The following CCDC137 variants were observed in gnomAD, a reference collection of about 807,000 sequenced individuals.
CCDC137 encodes coiled-coil domain containing 137.
In CCDC137, 24 loss-of-function variants were observed where a neutral mutation model predicts 30.4. The observed-to-expected ratio is 0.79, with a 90% CI of 0.57 to 1.11. The LOEUF (loss-of-function observed/expected upper bound fraction) is 1.11. Ranked by LOEUF, CCDC137 falls within the 50% of genes least tolerant of loss-of-function variation. The pLI is 0.00. For synonymous variants in CCDC137, 182 were observed against 155.7 expected (o/e 1.17, Z -1.26); for missense variants, 417 against 380.4 (o/e 1.10, Z -0.80).
chr17:81,669,546 G>A (rs1225636176), intron 2 of CCDC137, among the ~76,000 whole-genome samples: 1 of 152,172 alleles, frequency 6.6e-6, no homozygotes, highest in Non-Finnish European at 1.5e-5. Context: ...CGTTCTCAGT[G>A]GATGTCATAG....
At chr17:81,667,112 G>C (rs915223668) in intron 1 of CCDC137, 165 of 450,208 alleles carry the variant, frequency 3.7e-4, no homozygotes, top group Non-Finnish European at 5.4e-4. Flanking sequence ...CCTTTCCCGC[G>C]TCCCAGTGTC....
In CCDC137 at chr17:81,672,747, C is replaced by T; in HGVS notation, c.*43C>T. ...CCTGGCCACGCTCTGGGGCAACTGG[C>T]ACCAGGAGCTGCTACACCTGGGTAG... On this transcript the variant is annotated 3_prime_UTR_variant, in exon 6 of 6. Coordinates refer to ENST00000329214, the MANE Select transcript of CCDC137 (RefSeq NM_199287.3). The T allele has an allele frequency of 6.7e-7, 1 of 1,494,198 alleles. No homozygotes were observed. Among genetic ancestry groups the T allele is most frequent in the Non-Finnish European group, 9.0e-7 (1 of 1,111,842 alleles). The allele number at this position is 1,494,198 out of a possible 1,614,324, so 92.6% of individuals were successfully genotyped here.
chr17:81,669,168 G>A (rs555639487), intron 2 of CCDC137, among the ~76,000 whole-genome samples: 1 of 151,730 alleles, frequency 6.6e-6, no homozygotes, highest in East Asian at 1.9e-4. Context: ...GGGATTACAG[G>A]TGTGAGCCAC....
Position 81,666,793 on chromosome 17 carries a change from G to T in CCDC137, c.27G>T (p.Ala9=), listed in dbSNP as rs756579645. 1.4e-6 allele frequency: 2 copies of T among 1,465,012 alleles called. No individual in the cohort carries two copies. Among genetic ancestry groups the T allele is most frequent in the Non-Finnish European group, 1.8e-6 (2 of 1,113,658 alleles). 90.8% of individuals were successfully genotyped at this position (1,465,012 alleles called of 1,614,324 possible). The change falls in exon 1 of 6, where the codon GCG becomes GCT. Residue 9 remains alanine, a synonymous_variant. Coordinates refer to ENST00000329214, the MANE Select transcript of CCDC137 (RefSeq NM_199287.3). MAGAGRGA[A]VSRVQAGPGS... ...TGGCGGGAGCTGGTCGCGGAGCAGC[G>T]GTGTCCAGGGTGCAGGCGGGTCCTG...
At chr17:81,667,707 AC>A in intron 1 of CCDC137, 21 bp from the exon 2 acceptor site, 3 of 1,612,894 alleles carry the variant, frequency 1.9e-6, no homozygotes, top group Non-Finnish European at 1.7e-6. Context: ...GACGGGTCTC[AC>A]CCCCGTGTTC....
chr17:81,671,984 C>A, intron 4 of CCDC137, 92 bp from the exon 5 acceptor site: 1 of 1,508,334 alleles, frequency 6.6e-7, no homozygotes, highest in Non-Finnish European at 9.2e-7. Context: ...CTGTCCCAGC[C>A]CTATGGGAGG....
intron 2 of CCDC137, among the ~76,000 whole-genome samples, chr17:81,669,150 A>G (rs971006072): frequency 6.6e-6 from 1 of 151,754 alleles, no homozygotes; most frequent in African/African-American, 2.4e-5. Flanking sequence ...TCAGCCTCCC[A>G]AAGTGCTGGG....
intron 4 of CCDC137, 38 bp downstream of exon 4, chr17:81,671,864 G>A (rs746745689): frequency 1.3e-5 from 21 of 1,608,146 alleles, no homozygotes; most frequent in African/African-American, 2.7e-5. Context: ...GCAGTGGTCC[G>A]GGTGGGGCCT....
chr17:81,667,518 G>A (rs995406350), intron 1 of CCDC137, among the ~76,000 whole-genome samples: 2 of 151,950 alleles, frequency 1.3e-5, no homozygotes, highest in African/African-American at 4.8e-5. Context: ...TAGTAGAGAC[G>A]GGGTTTCACT....
chr17:81,669,623 A>G (rs62080209), intron 2 of CCDC137, among the ~76,000 whole-genome samples: 24,001 of 150,862 alleles, frequency 0.16, 2,040 homozygotes, highest in African/African-American at 0.19. Flanking sequence ...GCAGTGGCGC[A>G]ATCTCGGCTC....
rs375302711 is a variant in CCDC137 at position 81,670,383 on chromosome 17, C to T, written c.427C>T (p.Gln143Ter). Residue 143 changes from glutamine to a stop codon, truncating the protein, a stop_gained, in exon 3 of 6, where the codon CAG (glutamine) becomes TAG (stop). Coordinates refer to ENST00000329214, the MANE Select transcript of CCDC137 (RefSeq NM_199287.3). LOFTEE classifies it high-confidence loss of function. Reference protein sequence around the residue: ...AQHVLFLSKNQAIRQPEVQAA... With the variant: ...AQHVLFLSKN Reference sequence around the variant, plus strand: ...GCATGTGCTGTTCCTCAGCAAGAACCAGGCCATCCGGCAGCCAGAGGTGCA... The same window carrying T: ...GCATGTGCTGTTCCTCAGCAAGAACTAGGCCATCCGGCAGCCAGAGGTGCA... 4 of 1,613,822 alleles carry T rather than the reference C, an allele frequency of 2.5e-6. No individual in the cohort carries two copies. The highest frequency in any genetic ancestry group is 3.4e-6 in the Non-Finnish European group (4 of 1,180,032).
rs2036701263 is a variant in CCDC137, at chr17:81,670,281, A to G, written c.325A>G (p.Ile109Val). 1.9e-6 allele frequency: 3 copies of G among 1,614,072 alleles called. No individual in the cohort carries two copies. Among genetic ancestry groups the G allele is most frequent in the East Asian group, 4.5e-5 (2 of 44,872 alleles). Reference sequence around the variant, plus strand: ...GGAAGCAAAGGGAGAGGAGCCCGACATCGCAGTCCCCAAGTTCAAACAGAG... The same window carrying G: ...GGAAGCAAAGGGAGAGGAGCCCGACGTCGCAGTCCCCAAGTTCAAACAGAG... ...EKEAKGEEPDIAVPKFKQRKG... is the reference protein window; with the variant it reads ...EKEAKGEEPDVAVPKFKQRKG... The change falls in exon 3 of 6, where the codon ATC becomes GTC. Residue 109 changes from isoleucine (I) to valine (V), a missense_variant. Ile to Val is a conservative substitution (Grantham distance 29). Coordinates refer to ENST00000329214, the MANE Select transcript of CCDC137 (RefSeq NM_199287.3).
chr17:81,667,345 G>T (rs1042921513), intron 1 of CCDC137, among the ~76,000 whole-genome samples: 3 of 147,734 alleles, frequency 2.0e-5, no homozygotes, highest in Non-Finnish European at 4.5e-5. Context: ...TTTTGAGACG[G>T]AGTCTCACTC....
At chr17:81,669,014 C>T (rs538636502) in intron 2 of CCDC137, among the ~76,000 whole-genome samples, 7 of 151,966 alleles carry the variant, frequency 4.6e-5, no homozygotes, top group East Asian at 1.9e-4. Flanking sequence ...CTCAGCCTCC[C>T]GAGTAGCTGA....
intron 3 of CCDC137, 88 bp from the exon 4 acceptor site, chr17:81,671,656 G>A: frequency 3.0e-6 from 4 of 1,333,966 alleles, no homozygotes; most frequent in Non-Finnish European, 3.2e-6. Context: ...CTGCCACAGG[G>A]GATCCCTTGT....
rs2036737721 is a variant in CCDC137 at position 81,672,760 on chromosome 17, T to C, written c.*56T>C. ...TGGGGCAACTGGCACCAGGAGCTGC[T>C]ACACCTGGGTAGGAGAGAGGCAGGC... On this transcript the variant is annotated 3_prime_UTR_variant, in exon 6 of 6. Coordinates refer to ENST00000329214, the MANE Select transcript of CCDC137 (RefSeq NM_199287.3). 6.9e-7 allele frequency: 1 copy of C among 1,453,518 alleles called. No individual in the cohort carries two copies. Among genetic ancestry groups the C allele is most frequent in the Non-Finnish European group, 9.2e-7 (1 of 1,081,246 alleles). The allele number at this position is 1,453,518 out of a possible 1,614,324, so 90.0% of individuals were successfully genotyped here.
chr17:81,672,521 G>C lies in CCDC137; in HGVS notation c.687G>C (p.Arg229=). Residue 229 remains arginine, a synonymous_variant, in exon 6 of 6, where the codon CGG becomes CGC. Coordinates refer to ENST00000329214, the MANE Select transcript of CCDC137 (RefSeq NM_199287.3). ...CTGGCAGGAGATCGCAGATGCTGCG[G>C]ATGCTTCTGAGCCCCGGTGGTGTGT... ...DQPGRRSQML[R]MLLSPGGVSQ... is the part of the protein sequence containing the mutation. The C allele has an allele frequency of 6.4e-7, 1 of 1,563,896 alleles. No homozygotes were observed. The highest frequency in any genetic ancestry group is 8.7e-7 in the Non-Finnish European group (1 of 1,153,996).
At chr17:81,671,971 G>T in intron 4 of CCDC137, 105 bp from the exon 5 acceptor site, 5 of 1,475,672 alleles carry the variant, frequency 3.4e-6, no homozygotes, top group Non-Finnish European at 4.7e-6. Flanking sequence ...ATGAGTTGGT[G>T]TTCTGTCCCA....
In CCDC137 at chr17:81,666,799, C is replaced by T; in HGVS notation, c.33C>T (p.Ser11=). 6.8e-7 allele frequency: 1 copy of T among 1,462,476 alleles called. No homozygotes were observed. Among genetic ancestry groups the T allele is most frequent in the Non-Finnish European group, 9.0e-7 (1 of 1,112,002 alleles). 90.6% of individuals were successfully genotyped at this position (1,462,476 alleles called of 1,614,324 possible). MAGAGRGAAV[S]RVQAGPGSPR... ...GAGCTGGTCGCGGAGCAGCGGTGTC[C>T]AGGGTGCAGGCGGGTCCTGGGAGTC... The change falls in exon 1 of 6, where the codon TCC becomes TCT. Residue 11 remains serine (S), a synonymous_variant. Coordinates refer to ENST00000329214, the MANE Select transcript of CCDC137 (RefSeq NM_199287.3).
Sources: allele counts gnomAD v4.1 joint callset (sites outside exome capture counted in the v4.1 genomes callset), GRCh38; gene constraint gnomAD v4.1.1; transcripts MANE v1.5; gene names NCBI Gene and HGNC (gene_info 2026-07-23, HGNC 2026-07-21).